ZNF469: variants seen among roughly 807,000 people sequenced by gnomAD.
ZNF469 encodes the protein zinc finger protein 469.
Under a neutral mutation model 1.0 loss-of-function variants are expected in ZNF469, and 1 was observed. The observed-to-expected ratio is 1.00, with a 90% CI of 0.35 to 4.73. ZNF469 has a LOEUF of 4.73. ZNF469 is among the 30% of genes most tolerant of loss of function. The probability of loss-of-function intolerance (pLI) is 0.16; values close to 1 mark genes in which losing one functional copy is unlikely to be tolerated. For missense variants in ZNF469, 6,100 were observed against 5,356.3 expected (o/e 1.14, Z -4.33); for synonymous variants, 2,703 against 2,363.4 (o/e 1.14, Z -4.17).
chr16:88,285,917 T>C, the ZNF469 span, among the ~76,000 whole-genome samples: 1 of 152,216 alleles, frequency 6.6e-6, no homozygotes, highest in Non-Finnish European at 1.5e-5. Flanking sequence ...TCTTCATCCC[T>C]CCATGAGACT....
At chr16:88,132,571 C>T in the ZNF469 span, among the ~76,000 whole-genome samples, 6 of 152,234 alleles carry the variant, frequency 3.9e-5, no homozygotes, top group Non-Finnish European at 8.8e-5. Flanking sequence ...ACGCTGGCCC[C>T]AGCTCTGCTA....
At chr16:88,362,697 A>G in the ZNF469 span, among the ~76,000 whole-genome samples, 1 of 152,226 alleles carries the variant, frequency 6.6e-6, no homozygotes, top group South Asian at 2.1e-4. Context: ...GCCTGAATAT[A>G]GCTTCTTTAT....
the ZNF469 span, among the ~76,000 whole-genome samples, chr16:88,278,608 C>T: frequency 1.4e-4 from 18 of 131,934 alleles, no homozygotes; most frequent in South Asian, 2.5e-4. Flanking sequence ...CGCTGACACT[C>T]GGTCAGTACC....
chr16:88,416,908 C>T (rs1376341697), intron 1 of ZNF469, among the ~76,000 whole-genome samples: 2 of 152,178 alleles, frequency 1.3e-5, no homozygotes, highest in Non-Finnish European at 2.9e-5. Flanking sequence ...GTCCTGCGGT[C>T]GGCGTCTACC....
At chr16:88,345,936 T>C in the ZNF469 span, among the ~76,000 whole-genome samples, 5 of 152,122 alleles carry the variant, frequency 3.3e-5, no homozygotes, top group South Asian at 1.0e-3. Context: ...TACAATGACC[T>C]GGCATCGCAT....
In ZNF469 at chr16:88,436,619, G is replaced by C. The variant is rs1442319430; in HGVS notation, c.9149G>C (p.Ser3050Thr). ...PLRATDFEVL[S>T]TKFEMQDLCF... ...CGTGCCACGGACTTTGAGGTGCTCA[G>C]CACCAAGTTTGAGATGCAAGACCTG... is the stretch of plus-strand genomic sequence containing the variant. The change falls in exon 3 of 3, where the codon AGC (serine) becomes ACC (threonine). Residue 3050 changes from serine (S) to threonine (T), a missense_variant. Transcript: ENST00000565624. 1.9e-6 allele frequency: 3 copies of C among 1,550,394 alleles called. No individual in the cohort carries two copies. Among genetic ancestry groups the C allele is most frequent in the South Asian group, 1.2e-5 (1 of 84,068 alleles).
At position 88,430,250 on chromosome 16, in the gene ZNF469, G is replaced by C; in HGVS notation, c.2780G>C (p.Arg927Pro). 1.3e-6 allele frequency: 2 copies of C among 1,526,208 alleles called. No individual in the cohort carries two copies. The highest frequency in any genetic ancestry group is 1.8e-6 in the Non-Finnish European group (2 of 1,136,380). The allele number at this position is 1,526,208 out of a possible 1,614,324, so 94.5% of individuals were successfully genotyped here. Reference protein sequence around the residue: ...GCPARGRPKTRSLGLAPTEAD... With the variant: ...GCPARGRPKTPSLGLAPTEAD... ...CCAGCCCGAGGCAGGCCCAAAACGC[G>C]TTCCCTGGGTCTGGCCCCCACCGAG... is the stretch of plus-strand genomic sequence containing the variant. Residue 927 changes from arginine to proline, a missense_variant, in exon 3 of 3, where the codon CGT becomes CCT. By Grantham distance (103) the Arg-to-Pro change is moderately radical (BLOSUM62 -2). Coordinates refer to ENST00000565624, the MANE Select transcript of ZNF469 (RefSeq NM_001367624.2).
chr16:88,341,397 C>T, the ZNF469 span, among the ~76,000 whole-genome samples: 10 of 152,286 alleles, frequency 6.6e-5, no homozygotes, highest in East Asian at 9.7e-4. Context: ...CCTGCTGGGA[C>T]GTGCTGGGCA....
chr16:88,142,241 C>T, the ZNF469 span, among the ~76,000 whole-genome samples: 6 of 152,194 alleles, frequency 3.9e-5, no homozygotes, highest in African/African-American at 1.4e-4. Flanking sequence ...GGCGGGGGGT[C>T]TGGGAAAGGC....
the ZNF469 span, among the ~76,000 whole-genome samples, chr16:88,334,716 T>C: frequency 1.3e-5 from 2 of 152,296 alleles, no homozygotes; most frequent in South Asian, 2.1e-4. Context: ...TGGACCAGGG[T>C]GGGGCCTAAA....
At chr16:88,391,012 T>C (rs942287105) in intron 1 of ZNF469, among the ~76,000 whole-genome samples, 27 of 152,320 alleles carry the variant, frequency 1.8e-4, no homozygotes, top group African/African-American at 5.8e-4. Context: ...CGCGTCATTC[T>C]CTCCAAATCA....
the ZNF469 span, among the ~76,000 whole-genome samples, chr16:88,164,610 A>G: frequency 1.3e-5 from 2 of 152,188 alleles, no homozygotes; most frequent in African/African-American, 4.8e-5. Context: ...TTCCCTTTTT[A>G]TGTTTGACGT....
the ZNF469 span, among the ~76,000 whole-genome samples, chr16:88,162,670 GC>G: frequency 1.1e-3 from 158 of 149,016 alleles, no homozygotes; most frequent in East Asian, 2.4e-3. Flanking sequence ...TCTTTTTAGT[GC>G]CCCCCCCCTT....
the ZNF469 span, among the ~76,000 whole-genome samples, chr16:88,131,965 A>C: frequency 6.6e-6 from 1 of 152,152 alleles, no homozygotes; most frequent in African/African-American, 2.4e-5. Context: ...CGGCCCGCGC[A>C]TCTCCGGGGC....
the ZNF469 span, among the ~76,000 whole-genome samples, chr16:88,273,804 A>ATTTTTTTT: frequency 2.2e-5 from 3 of 135,268 alleles, no homozygotes; most frequent in Non-Finnish European, 3.1e-5. Flanking sequence ...ACTGTGGAAT[A>ATTTTTTTT]TTTTTTTTTT....
At chr16:88,267,463 G>C in the ZNF469 span, among the ~76,000 whole-genome samples, 4 of 152,364 alleles carry the variant, frequency 2.6e-5, no homozygotes, top group African/African-American at 9.6e-5. Context: ...CCGGGGGCCA[G>C]CTCTGCTCAT....
the ZNF469 span, among the ~76,000 whole-genome samples, chr16:88,234,328 T>C: frequency 6.6e-6 from 1 of 152,240 alleles, no homozygotes; most frequent in Non-Finnish European, 1.5e-5. Flanking sequence ...TGGGATGGGA[T>C]TTAACATCTG....
At chr16:88,152,000 T>G in the ZNF469 span, among the ~76,000 whole-genome samples, 1 of 152,128 alleles carries the variant, frequency 6.6e-6, no homozygotes, top group African/African-American at 2.4e-5. This position sits in a 1 kb window ranked among gnomAD's most constrained non-coding sequence, Gnocchi z 5.4. Context: ...CAGTAGATAC[T>G]CCCTTCTTAC....
chr16:88,304,316 C>T, the ZNF469 span, among the ~76,000 whole-genome samples: 3 of 152,196 alleles, frequency 2.0e-5, no homozygotes, highest in African/African-American at 4.8e-5. Flanking sequence ...ACGTCCCCAT[C>T]GCACTGTGGG....
Sources: allele counts gnomAD v4.1 joint callset (sites outside exome capture counted in the v4.1 genomes callset), GRCh38; gene constraint gnomAD v4.1.1; non-coding constraint Gnocchi (gnomAD v3.1); transcripts MANE v1.5; gene names NCBI Gene and HGNC (gene_info 2026-07-23, HGNC 2026-07-21).